The following VSIG10L2 variants were observed in gnomAD, a reference collection of about 807,000 sequenced individuals.
The protein encoded by VSIG10L2 is V-set and immunoglobulin domain-containing protein 10-like 2.
In VSIG10L2, 56 loss-of-function variants were observed where a neutral mutation model predicts 67.1. That is an observed-to-expected ratio of 0.83 (90% CI 0.67 to 1.04). The LOEUF (loss-of-function observed/expected upper bound fraction) is 1.04, where lower values mean the gene tolerates loss of function less well. Ranked by LOEUF, VSIG10L2 falls within the 50% of genes least tolerant of loss-of-function variation. VSIG10L2 has a pLI of 0.00. For synonymous variants in VSIG10L2, 360 were observed against 396.6 expected (o/e 0.91, Z 1.10); for missense variants, 843 against 932.8 (o/e 0.90, Z 1.25).
intron 2 of VSIG10L2, 91 bp from the exon 3 acceptor site, chr11:125,948,214 G>A (rs1945320875): frequency 8.1e-7 from 1 of 1,231,844 alleles, no homozygotes; most frequent in African/African-American, 1.5e-5. Context: ...GGGCTGGTGA[G>A]TCCCCAGCCA....
In VSIG10L2 at chr11:125,954,123, T is replaced by C; in HGVS notation, c.1823T>C (p.Leu608Pro). ...CCTCCCAATGTCACCATCAGCCGCC[T>C]GACCTACGGGAGGCACCGGAGAGAG... is the stretch of plus-strand genomic sequence containing the variant. ...PAPPNVTISRLTYGRHRREVQ... is the reference protein window; with the variant it reads ...PAPPNVTISRPTYGRHRREVQ... Residue 608 changes from leucine to proline, a missense_variant, in exon 8 of 12, where the codon CTG becomes CCG. Leu to Pro is a moderately conservative substitution (Grantham distance 98). Transcript: ENST00000686984. 2 of 1,232,296 alleles carry C rather than the reference T, an allele frequency of 1.6e-6. No individual in the cohort carries two copies. Among genetic ancestry groups the C allele is most frequent in the Non-Finnish European group, 2.0e-6 (2 of 988,078 alleles). 76.3% of individuals were successfully genotyped at this position (1,232,296 alleles called of 1,614,324 possible). A position where few individuals can be genotyped will look rare whatever the true frequency, so the allele number is the denominator to read the frequency against.
At chr11:125,951,720 G>A in intron 5 of VSIG10L2, 93 bp from the exon 6 acceptor site, 3 of 1,258,510 alleles carry the variant, frequency 2.4e-6, no homozygotes, top group Non-Finnish European at 3.2e-6. Context: ...AGGAAGGAGG[G>A]AGTGAAGGAA....
Position 125,955,059 on chromosome 11 carries a change from G to A in VSIG10L2, c.2086G>A (p.Asp696Asn). ...GAACCTGTGCTCTCCCCTCCTAGCGGACCCCCCCTTCAGCGCCTACCCAGC... is the reference window on the plus strand; with the variant it reads ...GAACCTGTGCTCTCCCCTCCTAGCGAACCCCCCCTTCAGCGCCTACCCAGC... ...GHPSEVKIPADPPFSAYPAVL... is the reference protein window; with the variant it reads ...GHPSEVKIPANPPFSAYPAVL... The change falls in exon 9 of 12, where the codon GAC (aspartate) becomes AAC (asparagine). Residue 696 changes from aspartate (D) to asparagine (N), a missense_variant and splice_region_variant. By Grantham distance (23) the Asp-to-Asn change is conservative. This residue lies in a region of VSIG10L2 where 397 missense variants were observed against 384.4 expected (regional missense o/e 1.03). Transcript: ENST00000686984. 8.1e-7 allele frequency: 1 copy of A among 1,234,946 alleles called. No homozygotes were observed. Among genetic ancestry groups the A allele is most frequent in the Non-Finnish European group, 1.0e-6 (1 of 990,066 alleles). The allele number at this position is 1,234,946 out of a possible 1,614,324, so 76.5% of individuals were successfully genotyped here.
At position 125,948,006 on chromosome 11, in the gene VSIG10L2, G is replaced by A. The variant is rs1945319340; in HGVS notation, c.403G>A (p.Ala135Thr). 2 of 1,232,338 alleles carry A rather than the reference G, an allele frequency of 1.6e-6. No individual in the cohort carries two copies. Among genetic ancestry groups the A allele is most frequent in the Non-Finnish European group, 1.0e-6 (1 of 988,110 alleles). The allele number at this position is 1,232,338 out of a possible 1,614,324, so 76.3% of individuals were successfully genotyped here. A position where few individuals can be genotyped will look rare whatever the true frequency, so the allele number is the denominator to read the frequency against. The change falls in exon 2 of 12, where the codon GCC (alanine) becomes ACC (threonine). Residue 135 changes from alanine (A) to threonine (T), a missense_variant. By Grantham distance (58) the Ala-to-Thr change is moderately conservative. This residue lies in a region of VSIG10L2 where 446 missense variants were observed against 548.4 expected (regional missense o/e 0.81). Coordinates refer to ENST00000686984, the MANE Select transcript of VSIG10L2 (RefSeq NM_001365077.2). The stretch of plus-strand genomic sequence containing the variant: ...CGTGGCTGGCGGCCAGCTCCACGCT[G>A]CCTACTCCCACCTCACGCTGGCTGT... Reference protein sequence around the residue: ...LHVAGGQLHAAYSHLTLAVLV... With the variant: ...LHVAGGQLHATYSHLTLAVLV...
In VSIG10L2 at chr11:125,951,027, G is replaced by T. The variant is rs1266593054; in HGVS notation, c.1103G>T (p.Gly368Val). The T allele has an allele frequency of 8.1e-7, 1 of 1,232,458 alleles. No individual in the cohort carries two copies. The highest frequency in any genetic ancestry group is 1.0e-6 in the Non-Finnish European group (1 of 988,254). The allele number at this position is 1,232,458 out of a possible 1,614,324, so 76.3% of individuals were successfully genotyped here. Residue 368 changes from glycine (G) to valine (V), a missense_variant, in exon 5 of 12, where the codon GGA (glycine) becomes GTA (valine). Coordinates refer to ENST00000686984, the MANE Select transcript of VSIG10L2 (RefSeq NM_001365077.2). ...CAACTGCAGTGGGAAGGGCCTCAGG[G>T]ACCTGGCCCTACTGCCCCCAGCAAC... ...PAQLQWEGPQ[G>V]PGPTAPSNVT...
intron 7 of VSIG10L2, 39 bp downstream of exon 7, chr11:125,953,729 G>A: frequency 8.1e-7 from 1 of 1,231,418 alleles, no homozygotes; most frequent in Non-Finnish European, 1.0e-6. Flanking sequence ...GGTGAGGTGG[G>A]GGCTGGGAGA....
chr11:125,952,039 C>T lies in VSIG10L2; in HGVS notation c.1461C>T (p.Leu487=), dbSNP rs996096362. The T allele has an allele frequency of 4.6e-6, 7 of 1,535,656 alleles. No homozygotes were observed. The highest frequency in any genetic ancestry group is 1.4e-5 in the African/African-American group (1 of 73,164). The stretch of plus-strand genomic sequence containing the variant: ...TCACCTGCCGGGGCACTCACCTGCT[C>T]AGGACCCCTGACCCCCACTGCCACC... The part of the protein sequence containing the change: ...REFTCRGTHL[L]RTPDPHCHLQ... The change falls in exon 6 of 12, where the codon CTC becomes CTT. Residue 487 remains leucine (L), a synonymous_variant. Transcript: ENST00000686984.
At chr11:125,949,492 A>G (rs1303892847) in intron 3 of VSIG10L2, among the ~76,000 whole-genome samples, 1 of 152,194 alleles carries the variant, frequency 6.6e-6, no homozygotes, top group African/African-American at 2.4e-5. Flanking sequence ...AAGAGGCAGG[A>G]GCAGACTGGA....
Position 125,955,885 on chromosome 11 carries a change from G to A in VSIG10L2, c.2353G>A (p.Val785Ile). 1.5e-6 allele frequency: 1 copy of A among 687,512 alleles called. No individual in the cohort carries two copies. The highest frequency in any genetic ancestry group is 2.1e-5 in the Admixed American group (1 of 47,830). 42.6% of individuals were successfully genotyped at this position (687,512 alleles called of 1,614,324 possible). A position where few individuals can be genotyped will look rare whatever the true frequency, so the allele number is the denominator to read the frequency against. The change falls in exon 12 of 12, where the codon GTC becomes ATC. Residue 785 changes from valine (V) to isoleucine (I), a missense_variant. Physicochemically the swap from Val to Ile is conservative, Grantham distance 29 (BLOSUM62 3). Coordinates refer to ENST00000686984, the MANE Select transcript of VSIG10L2 (RefSeq NM_001365077.2). ...AQETTDSPVN[V>I]TITVTATP is the part of the protein sequence containing the mutation. ...AGAAACCACGGATTCTCCAGTGAAT[G>A]TCACCATCACAGTGACTGCAACACC...
In VSIG10L2 at chr11:125,946,780, T is replaced by C. The variant is rs1945307448; in HGVS notation, c.82+643T>C. 6.6e-6 allele frequency among the ~76,000 whole-genome samples: 1 copy of C among 152,152 alleles called. No individual in the cohort carries two copies. Among genetic ancestry groups the C allele is most frequent in the Non-Finnish European group, 1.5e-5 (1 of 68,024 alleles). On this transcript the variant is annotated intron_variant, in intron 1 of 11. Transcript: ENST00000686984. The surrounding 1 kb of genome is among the most constrained non-coding windows in gnomAD (Gnocchi z 4.4). The stretch of plus-strand genomic sequence containing the variant: ...CTCAAACTCCTGACCTCAGGTGATC[T>C]GCCCGCCTCAGCCTCCCAGAGTGCT...
chr11:125,946,819 T>C lies in VSIG10L2; in HGVS notation c.82+682T>C, dbSNP rs1357089372. On this transcript the variant is annotated intron_variant, in intron 1 of 11. Transcript: ENST00000686984. The surrounding 1 kb of genome is among the most constrained non-coding windows in gnomAD (Gnocchi z 4.4). ...TCCCAGAGTGCTGGGATTACAGGCC[T>C]GAGCCACTGAGCCCGGCCCCAGAGA... 2.0e-5 allele frequency among the ~76,000 whole-genome samples: 3 copies of C among 152,210 alleles called. No individual in the cohort carries two copies. The highest frequency in any genetic ancestry group is 2.9e-5 in the Non-Finnish European group (2 of 68,028).
At chr11:125,952,754 A>G (rs540230051) in intron 6 of VSIG10L2, among the ~76,000 whole-genome samples, 8 of 152,354 alleles carry the variant, frequency 5.3e-5, no homozygotes, top group African/African-American at 1.7e-4. Context: ...CCAGGAAAAA[A>G]GAATTAAATA....
At position 125,953,654 on chromosome 11, in the gene VSIG10L2, G is replaced by A. The variant is rs1945409306; in HGVS notation, c.1750G>A (p.Gly584Ser). 2 of 1,232,166 alleles carry A rather than the reference G, an allele frequency of 1.6e-6. No individual in the cohort carries two copies. The highest frequency in any genetic ancestry group is 1.0e-6 in the Non-Finnish European group (1 of 988,030). The allele number at this position is 1,232,166 out of a possible 1,614,324, so 76.3% of individuals were successfully genotyped here. The change falls in exon 7 of 12, where the codon GGC (glycine) becomes AGC (serine). Residue 584 changes from glycine (G) to serine (S), a missense_variant. This residue lies in a region of VSIG10L2 where 397 missense variants were observed against 384.4 expected (regional missense o/e 1.03). Coordinates refer to ENST00000686984, the MANE Select transcript of VSIG10L2 (RefSeq NM_001365077.2). ...CCAATGCGTGGCCCGCAACGCCGTG[G>A]GCAATAGCAGTCAGAGTGTGCTGCT... ...TYQCVARNAV[G>S]NSSQSVLLEV...
In VSIG10L2 at chr11:125,951,905, C is replaced by T. The variant is rs1945378612; in HGVS notation, c.1327C>T (p.Pro443Ser). 1.3e-6 allele frequency: 2 copies of T among 1,535,566 alleles called. No individual in the cohort carries two copies. Among genetic ancestry groups the T allele is most frequent in the African/African-American group, 2.7e-5 (2 of 73,052 alleles). The stretch of plus-strand genomic sequence containing the variant: ...CTGCGAGTGGCCTGGCGGCGAGCCC[C>T]CTGCCACGCTGGGCTGGCTTGACGA... Reference protein sequence around the residue: ...LSCEWPGGEPPATLGWLDEQQ... With the variant: ...LSCEWPGGEPSATLGWLDEQQ... The change falls in exon 6 of 12, where the codon CCT becomes TCT. Residue 443 changes from proline (P) to serine (S), a missense_variant. Pro to Ser is a moderately conservative substitution (Grantham distance 74, BLOSUM62 -1). This residue lies in a region of VSIG10L2 where 446 missense variants were observed against 548.4 expected (regional missense o/e 0.81). Transcript: ENST00000686984.
rs540149681 is a variant in VSIG10L2, at chr11:125,952,060, C to G, written c.1482C>G (p.Cys494Trp). The G allele has an allele frequency of 1.1e-5, 17 of 1,533,924 alleles. No individual in the cohort carries two copies. Among genetic ancestry groups the G allele is most frequent in the African/African-American group, 1.1e-4 (8 of 73,028 alleles). ...THLLRTPDPH[C>W]HLQLEAPQLD... ...TGCTCAGGACCCCTGACCCCCACTG[C>G]CACCTCCAGCTGGGTGAGTAGGGGC... Residue 494 changes from cysteine to tryptophan, a missense_variant, in exon 6 of 12, where the codon TGC (cysteine) becomes TGG (tryptophan). Physicochemically the swap from Cys to Trp is radical, Grantham distance 215. Around this residue, in one of 2 missense-constraint regions of VSIG10L2, gnomAD observed 397 missense variants for 384.4 expected, o/e 1.03. Coordinates refer to ENST00000686984, the MANE Select transcript of VSIG10L2 (RefSeq NM_001365077.2).
Position 125,951,896 on chromosome 11 carries a change from G to C in VSIG10L2, c.1318G>C (p.Gly440Arg). Reference sequence around the variant, plus strand: ...CATGCTGAGCTGCGAGTGGCCTGGCGGCGAGCCCCCTGCCACGCTGGGCTG... The same window carrying C: ...CATGCTGAGCTGCGAGTGGCCTGGCCGCGAGCCCCCTGCCACGCTGGGCTG... ...FIMLSCEWPGGEPPATLGWLD... is the reference protein window; with the variant it reads ...FIMLSCEWPGREPPATLGWLD... The change falls in exon 6 of 12, where the codon GGC (glycine) becomes CGC (arginine). Residue 440 changes from glycine (G) to arginine (R), a missense_variant. Around this residue, in one of 2 missense-constraint regions of VSIG10L2, gnomAD observed 446 missense variants for 548.4 expected, o/e 0.81. Coordinates refer to ENST00000686984, the MANE Select transcript of VSIG10L2 (RefSeq NM_001365077.2). 1 of 1,535,276 alleles carries C rather than the reference G, an allele frequency of 6.5e-7. No homozygotes were observed. The highest frequency in any genetic ancestry group is 8.7e-7 in the Non-Finnish European group (1 of 1,146,386).
At chr11:125,951,743 G>T in intron 5 of VSIG10L2, 70 bp from the exon 6 acceptor site, 1 of 1,401,274 alleles carries the variant, frequency 7.1e-7, no homozygotes, top group South Asian at 1.5e-5. Flanking sequence ...AATGAAGGAA[G>T]GGGGATAGGG....
rs1945420549 is a variant in VSIG10L2 at position 125,954,291 on chromosome 11, TG to T, written c.1997del (p.Gly666AlafsTer15). The T allele has an allele frequency of 8.1e-7, 1 of 1,232,214 alleles. No homozygotes were observed. The highest frequency in any genetic ancestry group is 1.0e-6 in the Non-Finnish European group (1 of 988,054). 76.3% of individuals were successfully genotyped at this position (1,232,214 alleles called of 1,614,324 possible). A position where few individuals can be genotyped will look rare whatever the true frequency, so the allele number is the denominator to read the frequency against. On this transcript the variant is annotated frameshift_variant, in exon 8 of 12. Transcript: ENST00000686984. LOFTEE classifies it high-confidence loss of function. ...GAGCCAGAGAGCCGAGGACGGCGGC[TG>T]GGGGGCTTGGACCCCGGGGTCCTTT... ...DIEPESRGRRLGGLDPGVLYA... is the reference protein window; with the variant it reads ...DIEPESRGRRXGGLDPGVLYA...
intron 3 of VSIG10L2, among the ~76,000 whole-genome samples, chr11:125,949,271 C>T (rs183973176): frequency 6.4e-4 from 90 of 141,056 alleles, no homozygotes; most frequent in African/African-American, 2.3e-3. Flanking sequence ...TCTGCTTGAT[C>T]GGGTTTGGTC....
Sources: gnomAD v4.1 joint callset for allele counts (sites outside exome capture counted in the v4.1 genomes callset) on GRCh38, gnomAD v4.1.1 for gene constraint, gnomAD v4.1.1 regional missense constraint, Gnocchi (gnomAD v3.1) non-coding constraint, MANE v1.5 for transcripts, NCBI Gene and HGNC (gene_info 2026-07-23, HGNC 2026-07-21) for gene names.